The following ICE1 variants were observed in gnomAD, a reference collection of about 807,000 sequenced individuals.
ICE1 encodes interactor of little elongation complex ELL subunit 1.
Under a neutral mutation model 192.7 loss-of-function variants are expected in ICE1, and 64 were observed. The observed-to-expected ratio is 0.33, with a 90% CI of 0.27 to 0.41. The LOEUF (loss-of-function observed/expected upper bound fraction) is 0.41, where lower values mean the gene tolerates loss of function less well. ICE1 is among the 10% of genes least tolerant of loss of function. ICE1 has a pLI of 1.00. For missense variants in ICE1, 2,708 were observed against 2,696.0 expected (o/e 1.00, Z -0.10); for synonymous variants, 1,010 against 984.5 (o/e 1.03, Z -0.49).
chr5:5,440,457 A>G (rs1738008976), intron 4 of ICE1, among the ~76,000 whole-genome samples: 1 of 152,162 alleles, frequency 6.6e-6, no homozygotes, highest in Admixed American at 6.5e-5. Context: ...GAGTGATTTT[A>G]CTGTAAAGTA....
intron 6 of ICE1, among the ~76,000 whole-genome samples, chr5:5,443,485 AG>A (rs1263940648): frequency 1.3e-5 from 2 of 152,178 alleles, no homozygotes; most frequent in African/African-American, 2.4e-5. Context: ...GGCTGCACAA[AG>A]AACTCCATAA....
Position 5,462,848 on chromosome 5 carries a change from A to T in ICE1, c.3514A>T (p.Thr1172Ser), listed in dbSNP as rs1738840347. Residue 1172 changes from threonine to serine, a missense_variant, in exon 13 of 19, where the codon ACA becomes TCA. Thr to Ser is a moderately conservative substitution (Grantham distance 58, BLOSUM62 1). Coordinates refer to ENST00000296564, the MANE Select transcript of ICE1 (RefSeq NM_015325.3). ...STFSELDRLS[T>S]SEVVMFLESC... ...TTTTTCTGAGCTGGATAGACTTTCC[A>T]CATCAGAGGTTGTGATGTTTCTTGA... 1 of 1,609,280 alleles carries T rather than the reference A, an allele frequency of 6.2e-7. No individual in the cohort carries two copies. The highest frequency in any genetic ancestry group is 2.2e-5 in the East Asian group (1 of 44,812).
At position 5,464,785 on chromosome 5, in the gene ICE1, T is replaced by C. The variant is rs755861620; in HGVS notation, c.5451T>C (p.Cys1817=). Residue 1817 remains cysteine, a synonymous_variant, in exon 13 of 19, where the codon TGT becomes TGC. Coordinates refer to ENST00000296564, the MANE Select transcript of ICE1 (RefSeq NM_015325.3). This position sits in a 1 kb window ranked among gnomAD's most constrained non-coding sequence, Gnocchi z 4.0. ...CTGGGAGCAGCTCTGGTGGTGACTG[T>C]AACCAAGACAAGTCAAGAGATTTGG... ...VKTGSSSGGD[C]NQDKSRDLGT... is the part of the protein sequence containing the mutation. 3 of 1,613,794 alleles carry C rather than the reference T, an allele frequency of 1.9e-6. No individual in the cohort carries two copies. Among genetic ancestry groups the C allele is most frequent in the Non-Finnish European group, 2.5e-6 (3 of 1,179,816 alleles).
At chr5:5,437,006 G>A (rs1036625079) in intron 2 of ICE1, 74 bp from the exon 3 acceptor site, 9 of 964,526 alleles carry the variant, frequency 9.3e-6, no homozygotes, top group Admixed American at 2.0e-5. Flanking sequence ...GCCTTGCATG[G>A]ATTGAAACAT....
Position 5,444,314 on chromosome 5 carries a change from A to G in ICE1, c.412A>G (p.Lys138Glu). Residue 138 changes from lysine to glutamate, a missense_variant, in exon 7 of 19, where the codon AAG becomes GAG. Physicochemically the swap from Lys to Glu is moderately conservative, Grantham distance 56 (BLOSUM62 1). Transcript: ENST00000296564. ...AQKKKLEAKV[K>E]KLQEAAVKQT... ...GAAGAAGAAACTAGAAGCTAAGGTG[A>G]AGAAGCTGCAAGGTAAGTGGCACTA... The G allele has an allele frequency of 6.4e-7, 1 of 1,567,026 alleles. No individual in the cohort carries two copies. Among genetic ancestry groups the G allele is most frequent in the East Asian group, 2.3e-5 (1 of 42,846 alleles).
At chr5:5,438,167 G>A (rs545208768) in intron 3 of ICE1, among the ~76,000 whole-genome samples, 3 of 152,332 alleles carry the variant, frequency 2.0e-5, no homozygotes, top group South Asian at 2.1e-4. Context: ...GAAGTGCAGA[G>A]CGAAGCGGGG....
At chr5:5,434,741 A>G (rs1459202781) in intron 1 of ICE1, among the ~76,000 whole-genome samples, 1 of 152,180 alleles carries the variant, frequency 6.6e-6, no homozygotes, top group Non-Finnish European at 1.5e-5. Flanking sequence ...TGATTTCATT[A>G]TATGCTGCCA....
intron 15 of ICE1, among the ~76,000 whole-genome samples, chr5:5,469,272 G>A (rs1739085327): frequency 6.6e-6 from 1 of 152,178 alleles, no homozygotes. Context: ...ATGTTTAAAA[G>A]TCTCAGAGAA....
intron 10 of ICE1, among the ~76,000 whole-genome samples, chr5:5,450,419 A>G (rs1738378808): frequency 6.6e-6 from 1 of 152,182 alleles, no homozygotes; most frequent in Non-Finnish European, 1.5e-5. Flanking sequence ...AGAGAAAATA[A>G]CAAGATTTGG....
In ICE1 at chr5:5,422,894, C is replaced by A; in HGVS notation, c.-22C>A. On this transcript the variant is annotated 5_prime_UTR_variant, in exon 1 of 19. Transcript: ENST00000296564. ...CGCGGGCCCCTGAGGCGTGCGTGCC[C>A]ACCGGGCCCGGCGGCGGCACCATGA... 2.2e-6 allele frequency: 3 copies of A among 1,370,064 alleles called. No individual in the cohort carries two copies. The highest frequency in any genetic ancestry group is 1.7e-5 in the South Asian group (1 of 60,146). The allele number at this position is 1,370,064 out of a possible 1,614,324, so 84.9% of individuals were successfully genotyped here.
At chr5:5,478,748 A>G (rs1323259300) in intron 17 of ICE1, among the ~76,000 whole-genome samples, 1 of 152,254 alleles carries the variant, frequency 6.6e-6, no homozygotes, top group East Asian at 1.9e-4. Flanking sequence ...CAAAACAGAC[A>G]TATAGACCAA....
intron 11 of ICE1, among the ~76,000 whole-genome samples, chr5:5,456,870 G>C (rs927022907): frequency 6.6e-6 from 1 of 152,176 alleles, no homozygotes. Context: ...CTTTCAGTTA[G>C]AGAGCATTGT....
At chr5:5,457,077 G>A (rs1738606010) in intron 11 of ICE1, among the ~76,000 whole-genome samples, 1 of 152,042 alleles carries the variant, frequency 6.6e-6, no homozygotes, top group African/African-American at 2.4e-5. Context: ...TTCCAGCTGT[G>A]TCATCCATCC....
At chr5:5,426,443 G>A (rs1191226743) in intron 1 of ICE1, among the ~76,000 whole-genome samples, 55 of 138,154 alleles carry the variant, frequency 4.0e-4, no homozygotes, top group Non-Finnish European at 6.5e-4. Flanking sequence ...GCAAGACTCC[G>A]TCTCAAAAAA....
chr5:5,436,976 A>G (rs1182545382), intron 2 of ICE1, 104 bp from the exon 3 acceptor site: 1 of 717,656 alleles, frequency 1.4e-6, no homozygotes, highest in African/African-American at 1.8e-5. Flanking sequence ...GTTTCAGGAA[A>G]TCTAGGAAGT....
intron 10 of ICE1, 94 bp from the exon 11 acceptor site, chr5:5,454,458 G>A (rs1738528856): frequency 1.3e-6 from 1 of 766,440 alleles, no homozygotes; most frequent in Non-Finnish European, 2.2e-6. Context: ...AATTTTCTAA[G>A]TCCCTAATAA....
chr5:5,430,219 G>C (rs1048310171), intron 1 of ICE1, among the ~76,000 whole-genome samples: 2 of 152,090 alleles, frequency 1.3e-5, no homozygotes, highest in Non-Finnish European at 2.9e-5. Context: ...GGCACACCCT[G>C]CTCACTTTCA....
At chr5:5,424,515 C>T (rs987712651) in intron 1 of ICE1, among the ~76,000 whole-genome samples, 2 of 152,064 alleles carry the variant, frequency 1.3e-5, no homozygotes, top group African/African-American at 4.8e-5. Context: ...GCAATTATGG[C>T]ATTAGGGGAG....
At chr5:5,483,348 T>A (rs1274598635) in intron 17 of ICE1, among the ~76,000 whole-genome samples, 1 of 152,210 alleles carries the variant, frequency 6.6e-6, no homozygotes, top group East Asian at 1.9e-4. Context: ...TTTTACTCCG[T>A]GGACAGTAAA....
Sources: allele counts gnomAD v4.1 joint callset (sites outside exome capture counted in the v4.1 genomes callset), GRCh38; gene constraint gnomAD v4.1.1; non-coding constraint Gnocchi (gnomAD v3.1); transcripts MANE v1.5; gene names NCBI Gene and HGNC (gene_info 2026-07-23, HGNC 2026-07-21).